SCG3: variants seen among roughly 807,000 people sequenced by gnomAD.
The protein encoded by SCG3 is secretogranin-3.
A neutral mutation model predicts 56.2 loss-of-function variants in SCG3; 38 were observed. That is an observed-to-expected ratio of 0.68 (90% CI 0.52 to 0.89). The LOEUF is 0.89. Among genes scored for constraint, SCG3 ranks in the 40% least tolerant of loss-of-function variants. The pLI is 0.00. For synonymous variants in SCG3, 176 were observed against 184.2 expected, an observed-to-expected ratio of 0.96 and a Z score of 0.36; for missense variants, 524 against 540.7, an observed-to-expected ratio of 0.97 and a Z score of 0.31.
intron 6 of SCG3, among the ~76,000 whole-genome samples, chr15:51,689,893 T>C (rs2055255941): frequency 6.6e-6 from 1 of 152,220 alleles, no homozygotes; most frequent in Non-Finnish European, 1.5e-5. Context: ...AAGATTATGT[T>C]ATATTCTATT....
chr15:51,682,685 T>C (rs551184809), intron 2 of SCG3, 116 bp downstream of exon 2: 2 of 658,076 alleles, frequency 3.0e-6, no homozygotes, highest in South Asian at 2.1e-5. Context: ...AGGAACTTAA[T>C]AGTTAATTGA....
At chr15:51,707,002 T>G (rs1321884900) in intron 10 of SCG3, among the ~76,000 whole-genome samples, 2 of 152,228 alleles carry the variant, frequency 1.3e-5, no homozygotes, top group Non-Finnish European at 1.5e-5. Flanking sequence ...TGCTTAACTT[T>G]TCAAGTAAAT....
chr15:51,717,152 G>A (rs1172099018), intron 11 of SCG3, among the ~76,000 whole-genome samples: 2 of 152,132 alleles, frequency 1.3e-5, no homozygotes, highest in Non-Finnish European at 2.9e-5. Flanking sequence ...GGTGGATCAT[G>A]AGGTCAGGAG....
chr15:51,693,097 T>C (rs1271053844), intron 7 of SCG3: 2 of 152,212 alleles, frequency 1.3e-5, no homozygotes, highest in Non-Finnish European at 1.5e-5. Context: ...TTCGATGAGT[T>C]TGACTATTTG....
chr15:51,710,058 G>T (rs1276385073), intron 10 of SCG3, among the ~76,000 whole-genome samples: 2 of 151,536 alleles, frequency 1.3e-5, no homozygotes, highest in African/African-American at 4.9e-5. Context: ...TTTTTAAGAT[G>T]TAGTTTCCTA....
intron 1 of SCG3, 120 bp from the exon 2 acceptor site, chr15:51,682,397 A>G (rs889640385): frequency 5.5e-6 from 3 of 546,898 alleles, no homozygotes; most frequent in African/African-American, 4.0e-5. Flanking sequence ...CATTTGTTTC[A>G]TAGTCATCCA....
Position 51,699,350 on chromosome 15 carries a change from C to T in SCG3, c.1017C>T (p.Thr339=), listed in dbSNP as rs754404670. The T allele has an allele frequency of 6.2e-7, 1 of 1,606,922 alleles. No homozygotes were observed. The highest frequency in any genetic ancestry group is 1.3e-5 in the African/African-American group (1 of 74,422). ...TGGATGAAATGATTGCTCTTCAGACCAAAAACAAGCTAGAAAAAAATGCTA... is the reference window on the plus strand; with the variant it reads ...TGGATGAAATGATTGCTCTTCAGACTAAAAACAAGCTAGAAAAAAATGCTA... ...ENLDEMIALQ[T]KNKLEKNATD... The change falls in exon 9 of 12, where the codon ACC becomes ACT. Residue 339 remains threonine (T), a synonymous_variant. Transcript: ENST00000220478.
Position 51,699,309 on chromosome 15 carries a change from C to T in SCG3, c.986-10C>T, listed in dbSNP as rs748083667. ...GAATAAAATTAAATTTCTTTCCTTC[C>T]TCCCTCCAGAAAACTTGGATGAAAT... On this transcript the variant is annotated splice_polypyrimidine_tract_variant and intron_variant, in intron 8 of 11. Coordinates refer to ENST00000220478, the MANE Select transcript of SCG3 (RefSeq NM_013243.4). 1.3e-6 allele frequency: 2 copies of T among 1,584,812 alleles called. No individual in the cohort carries two copies. The highest frequency in any genetic ancestry group is 1.8e-5 in the Admixed American group (1 of 54,368).
chr15:51,696,118 G>C, intron 8 of SCG3, 127 bp downstream of exon 8: 1 of 707,754 alleles, frequency 1.4e-6, no homozygotes, highest in South Asian at 1.7e-5. Flanking sequence ...ACCAAGAATC[G>C]ACCAGTTTGA....
intron 10 of SCG3, among the ~76,000 whole-genome samples, chr15:51,705,961 G>A (rs1319506957): frequency 6.6e-6 from 1 of 152,122 alleles, no homozygotes; most frequent in Non-Finnish European, 1.5e-5. Context: ...TCTGGGATAA[G>A]GACAACTGAC....
At chr15:51,708,588 G>C (rs2055390589) in intron 10 of SCG3, among the ~76,000 whole-genome samples, 1 of 152,202 alleles carries the variant, frequency 6.6e-6, no homozygotes. Context: ...GGGCGCGGAG[G>C]CTCACGCCTG....
rs2055486782 is a variant in SCG3 at position 51,720,106 on chromosome 15, G to T, written c.*580G>T. ...ATCCAGGTAAATGGGTATAGGATTT[G>T]CTGGATTTACTAACAATTTCCCCCT... On this transcript the variant is annotated 3_prime_UTR_variant, in exon 12 of 12. Transcript: ENST00000220478. 6.6e-6 allele frequency: 1 copy of T among 152,264 alleles called. No individual in the cohort carries two copies. The highest frequency in any genetic ancestry group is 2.4e-5 in the African/African-American group (1 of 41,452). 9.4% of individuals were successfully genotyped at this position (152,264 alleles called of 1,614,324 possible). A position where few individuals can be genotyped will look rare whatever the true frequency, so the allele number is the denominator to read the frequency against.
At chr15:51,701,340 A>G in intron 10 of SCG3, 96 bp downstream of exon 10, 3 of 1,258,642 alleles carry the variant, frequency 2.4e-6, no homozygotes, top group Non-Finnish European at 3.3e-6. Context: ...GCTCCATCAC[A>G]TCTGAGAAAT....
At chr15:51,699,932 T>C (rs1400423308) in intron 9 of SCG3, among the ~76,000 whole-genome samples, 8 of 152,118 alleles carry the variant, frequency 5.3e-5, no homozygotes, top group African/African-American at 1.9e-4. Context: ...CCCAGGGAAC[T>C]GAGCTATGGA....
rs890393492 is a variant in SCG3 at position 51,687,015 on chromosome 15, A to G, written c.398-1245A>G. Among the ~76,000 whole-genome samples, 10 of 152,338 alleles carry G rather than the reference A, an allele frequency of 6.6e-5. No homozygotes were observed. In the South Asian group the frequency reaches 2.1e-3, roughly 32 times the overall value. On this transcript the variant is annotated intron_variant, in intron 4 of 11. Transcript: ENST00000220478. ...AAAAGAGCAGAATCAGAATAGAAAT[A>G]CTAGGCTCTTCTTTCTTTGAGTGAA... is the stretch of plus-strand genomic sequence containing the variant.
At chr15:51,717,827 T>C (rs1170131863) in intron 11 of SCG3, among the ~76,000 whole-genome samples, 1 of 152,206 alleles carries the variant, frequency 6.6e-6, no homozygotes, top group Non-Finnish European at 1.5e-5. Flanking sequence ...CTTCATTGGA[T>C]AGGCATGATT....
chr15:51,719,323 A>G, intron 11 of SCG3, 85 bp from the exon 12 acceptor site: 1 of 875,896 alleles, frequency 1.1e-6, no homozygotes, highest in Non-Finnish European at 1.9e-6. Context: ...TTATTGTATA[A>G]AATGCTTCTC....
rs749409373 is a variant in SCG3, at chr15:51,695,932, TTG to T, written c.929_930del (p.Val310GlufsTer19). The T allele has an allele frequency of 6.2e-7, 1 of 1,611,554 alleles. No homozygotes were observed. On this transcript the variant is annotated frameshift_variant, in exon 8 of 12. Transcript: ENST00000220478. LOFTEE classifies it high-confidence loss of function. ...ACTATCATGAAAACACTGATTGACTTTGTGAAGATGATGGTGAAATATGGAAC... is the reference window on the plus strand; with the variant it reads ...ACTATCATGAAAACACTGATTGACTTTGAAGATGATGGTGAAATATGGAAC...
At position 51,691,623 on chromosome 15, in the gene SCG3, AC is replaced by A. The variant is rs1377618819; in HGVS notation, c.691-534del. On this transcript the variant is annotated intron_variant, in intron 6 of 11. Coordinates refer to ENST00000220478, the MANE Select transcript of SCG3 (RefSeq NM_013243.4). ...ATCTAGTTCACTGAATGGAGAATGA[AC>A]CATTTACTAAGATGCAAGTCACTGA... 3.9e-5 allele frequency among the ~76,000 whole-genome samples: 6 copies of A among 152,170 alleles called. 1 individual carries two copies. Among genetic ancestry groups the A allele is most frequent in the Admixed American group, 3.9e-4 (6 of 15,274 alleles).
Sources: allele counts gnomAD v4.1 joint callset (sites outside exome capture counted in the v4.1 genomes callset), GRCh38; gene constraint gnomAD v4.1.1; transcripts MANE v1.5; gene names NCBI Gene and HGNC (gene_info 2026-07-23, HGNC 2026-07-21).